KAT6B: variants seen among roughly 807,000 people sequenced by gnomAD.
The protein encoded by KAT6B is lysine acetyltransferase 6B.
Under a neutral mutation model 187.5 loss-of-function variants are expected in KAT6B, and 10 were observed. The ratio of observed to expected loss-of-function variants is 0.05; its 90% CI spans 0.03 to 0.09. KAT6B has a LOEUF of 0.09. Ranked by LOEUF, KAT6B falls within the 10% of genes least tolerant of loss-of-function variation. The probability of loss-of-function intolerance (pLI) is 1.00; values close to 1 mark genes in which losing one functional copy is unlikely to be tolerated. For synonymous variants in KAT6B, 861 were observed against 926.8 expected (o/e 0.93, Z 1.29); for missense variants, 1,952 against 2,558.9 (o/e 0.76, Z 5.12).
chr10:74,910,367 T>A (rs1847114673), intron 3 of KAT6B, among the ~76,000 whole-genome samples: 1 of 152,168 alleles, frequency 6.6e-6, no homozygotes, highest in South Asian at 2.1e-4. Flanking sequence ...TTTCTGTGCC[T>A]TTTCAAAATC....
Position 75,028,925 on chromosome 10 carries a change from GGAA to G in KAT6B, c.4103_4105del (p.Glu1368del). On this transcript the variant is annotated inframe_deletion, in exon 18 of 18. Coordinates refer to ENST00000287239, the MANE Select transcript of KAT6B (RefSeq NM_012330.4). Reference sequence around the variant, plus strand: ...AGGAAGAGGAAGAAGAGGAAGAAGAGGAAGGGGAAGAAGAAGAAGGAGGAGGAA... The same window carrying G: ...AGGAAGAGGAAGAAGAGGAAGAAGAGGGGGAAGAAGAAGAAGGAGGAGGAA... The G allele has an allele frequency of 6.2e-7, 1 of 1,608,056 alleles. No individual in the cohort carries two copies. Among genetic ancestry groups the G allele is most frequent in the Non-Finnish European group, 8.5e-7 (1 of 1,175,272 alleles).
At chr10:75,013,390 T>C (rs1844751201) in intron 13 of KAT6B, among the ~76,000 whole-genome samples, 1 of 151,498 alleles carries the variant, frequency 6.6e-6, no homozygotes, top group Admixed American at 6.6e-5. Context: ...TTTAATTCAA[T>C]TGATATCTGG....
chr10:74,899,571 G>A (rs58771151), intron 3 of KAT6B, among the ~76,000 whole-genome samples: 6 of 152,166 alleles, frequency 3.9e-5, no homozygotes, highest in Non-Finnish European at 8.8e-5. Flanking sequence ...CACCGCGCCC[G>A]ACCTCTAAAT....
intron 3 of KAT6B, among the ~76,000 whole-genome samples, chr10:74,852,844 T>A (rs1270330599): frequency 6.6e-6 from 1 of 152,194 alleles, no homozygotes; most frequent in Non-Finnish European, 1.5e-5. Context: ...TCCTGAATGA[T>A]CAGCAGCTTT....
At chr10:74,838,831 A>C (rs1181736029) in intron 2 of KAT6B, 79 bp downstream of exon 2, 2 of 152,204 alleles carry the variant, frequency 1.3e-5, no homozygotes, top group Admixed American at 1.3e-4. Context: ...GGATATAAAC[A>C]ATTGTTTTAT....
In KAT6B at chr10:74,975,856, T is replaced by G; in HGVS notation, c.1519T>G (p.Ser507Ala). 1 of 1,614,172 alleles carries G rather than the reference T, an allele frequency of 6.2e-7. No homozygotes were observed. The highest frequency in any genetic ancestry group is 8.5e-7 in the Non-Finnish European group (1 of 1,180,030). The change falls in exon 8 of 18, where the codon TCA becomes GCA. Residue 507 changes from serine to alanine, a missense_variant. Around this residue, in one of 9 missense-constraint regions of KAT6B, gnomAD observed 417 missense variants for 508.9 expected, o/e 0.82. Coordinates refer to ENST00000287239, the MANE Select transcript of KAT6B (RefSeq NM_012330.4). ...CCCCATCTCCGGTCAGAGCCCCAGT[T>G]CACAAAAGTCCAGCACGGCCACTTC... is the stretch of plus-strand genomic sequence containing the variant. ...PTPISGQSPS[S>A]QKSSTATSSP...
chr10:75,005,365 G>A (rs1173045154), intron 13 of KAT6B, among the ~76,000 whole-genome samples: 2 of 151,738 alleles, frequency 1.3e-5, no homozygotes, highest in Non-Finnish European at 2.9e-5. Context: ...TCACAGGCAC[G>A]TGCCACCATG....
chr10:74,996,268 A>G (rs1160017528), intron 13 of KAT6B, among the ~76,000 whole-genome samples: 1 of 152,240 alleles, frequency 6.6e-6, no homozygotes, highest in African/African-American at 2.4e-5. Context: ...TTCACTGACA[A>G]ATCAACAAAT....
At chr10:74,858,070 A>C (rs529652561) in intron 3 of KAT6B, among the ~76,000 whole-genome samples, 116 of 152,034 alleles carry the variant, frequency 7.6e-4, no homozygotes, top group African/African-American at 2.7e-3. Context: ...AATTAATCAC[A>C]GTTTATGGGA....
Position 75,030,307 on chromosome 10 carries a change from T to C in KAT6B, c.5483T>C (p.Ile1828Thr). The stretch of plus-strand genomic sequence containing the variant: ...CTGCAGCAGTTAACTAATACACTTA[T>C]TGATCATTCATTGCCTTACAGCCAT... ...AKLQQLTNTL[I>T]DHSLPYSHSA... Residue 1828 changes from isoleucine to threonine, a missense_variant, in exon 18 of 18, where the codon ATT (isoleucine) becomes ACT (threonine). This residue lies in a region of KAT6B where 358 missense variants were observed against 436.3 expected (regional missense o/e 0.82). Transcript: ENST00000287239. This position sits in a 1 kb window ranked among gnomAD's most constrained non-coding sequence, Gnocchi z 4.8. 5 of 1,614,276 alleles carry C rather than the reference T, an allele frequency of 3.1e-6. No individual in the cohort carries two copies. Among genetic ancestry groups the C allele is most frequent in the African/African-American group, 1.3e-5 (1 of 75,080 alleles).
At chr10:75,022,847 C>A (rs1465297622) in intron 16 of KAT6B, among the ~76,000 whole-genome samples, 1 of 152,112 alleles carries the variant, frequency 6.6e-6, no homozygotes, top group African/African-American at 2.4e-5. Context: ...CAGGAGAACC[C>A]AGGGAGGCAG....
chr10:74,900,472 G>A (rs1564551319), intron 3 of KAT6B, among the ~76,000 whole-genome samples: 1 of 152,184 alleles, frequency 6.6e-6, no homozygotes, highest in Non-Finnish European at 1.5e-5. Context: ...TGTTGGGGGT[G>A]GGAAAATGGC....
chr10:74,882,851 T>C (rs1288560297), intron 3 of KAT6B, among the ~76,000 whole-genome samples: 1 of 152,262 alleles, frequency 6.6e-6, no homozygotes, highest in African/African-American at 2.4e-5. Flanking sequence ...TGTTCGTGTT[T>C]GTTTGGTTCA....
intron 1 of KAT6B, among the ~76,000 whole-genome samples, chr10:74,834,442 C>T (rs573435154): frequency 1.1e-4 from 16 of 151,660 alleles, no homozygotes; most frequent in African/African-American, 1.7e-4. Context: ...GTGATCTGCC[C>T]GCCTTGGCCT....
In KAT6B at chr10:74,959,123, G is replaced by A. The variant is rs193265228; in HGVS notation, c.622-847G>A. Among the ~76,000 whole-genome samples the A allele has an allele frequency of 8.2e-4, 124 of 152,122 alleles. 2 individuals carry two copies. The highest frequency in any genetic ancestry group is 1.7e-3 in the South Asian group (8 of 4,816). On this transcript the variant is annotated intron_variant, in intron 3 of 17. Coordinates refer to ENST00000287239, the MANE Select transcript of KAT6B (RefSeq NM_012330.4). ...TATCTTTTTTGTTTGGTATGGTGTG[G>A]TTTACTTTTGAAGACCTTCGTGGCA...
At chr10:74,945,154 T>C (rs1839857353) in intron 3 of KAT6B, among the ~76,000 whole-genome samples, 1 of 152,218 alleles carries the variant, frequency 6.6e-6, no homozygotes, top group African/African-American at 2.4e-5. Context: ...TAAACAAATT[T>C]AGATATATTC....
rs185257812 is a variant in KAT6B, at chr10:74,890,209, G to A, written c.621+46731G>A. On this transcript the variant is annotated intron_variant, in intron 3 of 17. Coordinates refer to ENST00000287239, the MANE Select transcript of KAT6B (RefSeq NM_012330.4). ...ACATGCCAGCTGCCTGGCTCATTTTGTATTTTTAGTAGAGATGGGGTTTCG... is the reference window on the plus strand; with the variant it reads ...ACATGCCAGCTGCCTGGCTCATTTTATATTTTTAGTAGAGATGGGGTTTCG... Among the ~76,000 whole-genome samples the A allele has an allele frequency of 3.0e-3, 462 of 152,128 alleles. 2 individuals are homozygous for A. The highest frequency in any genetic ancestry group is 0.011 in the African/African-American group (443 of 41,502).
chr10:74,951,762 C>T (rs1589691333), intron 3 of KAT6B, among the ~76,000 whole-genome samples: 1 of 152,252 alleles, frequency 6.6e-6, no homozygotes, highest in East Asian at 1.9e-4. Context: ...ATGGTGGAAC[C>T]CACCTTGCCA....
chr10:74,961,939 G>A (rs1229434910), intron 4 of KAT6B, among the ~76,000 whole-genome samples: 2 of 152,190 alleles, frequency 1.3e-5, no homozygotes, highest in Non-Finnish European at 2.9e-5. Flanking sequence ...GTCTTCAAGT[G>A]GAGAGAGCCA....
Sources: allele counts gnomAD v4.1 joint callset (sites outside exome capture counted in the v4.1 genomes callset), GRCh38; gene constraint gnomAD v4.1.1; regional missense constraint gnomAD v4.1.1; non-coding constraint Gnocchi (gnomAD v3.1); transcripts MANE v1.5; gene names NCBI Gene and HGNC (gene_info 2026-07-23, HGNC 2026-07-21).